The following CNTN4 variants were observed in gnomAD, a reference collection of about 807,000 sequenced individuals.
CNTN4 encodes the protein contactin 4, also known as contactin-4.
Under a neutral mutation model 122.5 loss-of-function variants are expected in CNTN4, and 77 were observed. The observed-to-expected ratio is 0.63, with a 90% confidence interval of 0.52 to 0.76. The LOEUF (loss-of-function observed/expected upper bound fraction) is 0.76. Among genes scored for constraint, CNTN4 ranks in the 30% least tolerant of loss-of-function variants. The probability of loss-of-function intolerance (pLI) is 0.00; values close to 1 mark genes in which losing one functional copy is unlikely to be tolerated. For missense variants in CNTN4, 1,256 were observed against 1,259.1 expected, an observed-to-expected ratio of 1.00 and a Z score of 0.04; for synonymous variants, 512 against 447.0, an observed-to-expected ratio of 1.15 and a Z score of -1.83.
intron 2 of CNTN4, among the ~76,000 whole-genome samples, chr3:2,170,251 C>T (rs946009655): frequency 1.2e-4 from 18 of 151,910 alleles, no homozygotes; most frequent in Non-Finnish European, 2.2e-4. Context: ...ACCCGGGAGG[C>T]GGAGCTTGCA....
intron 14 of CNTN4, among the ~76,000 whole-genome samples, chr3:3,019,806 A>G (rs946963523): frequency 1.5e-5 from 1 of 67,374 alleles, no homozygotes; most frequent in African/African-American, 8.1e-5. Context: ...ATACACATGC[A>G]TATATATATA....
At chr3:2,470,104 C>T (rs1461898221) in intron 3 of CNTN4, among the ~76,000 whole-genome samples, 3 of 150,926 alleles carry the variant, frequency 2.0e-5, no homozygotes, top group African/African-American at 4.9e-5. Context: ...CTCGCTCTCT[C>T]GCCCAGGCTG....
chr3:2,648,676 C>T (rs752249946), intron 4 of CNTN4, among the ~76,000 whole-genome samples: 7 of 152,130 alleles, frequency 4.6e-5, no homozygotes, highest in Admixed American at 2.6e-4. Flanking sequence ...AGGCCAATTA[C>T]TAACCCCACC....
intron 2 of CNTN4, among the ~76,000 whole-genome samples, chr3:2,113,187 T>C (rs989845970): frequency 3.3e-5 from 5 of 152,198 alleles, no homozygotes; most frequent in South Asian, 4.1e-4. Flanking sequence ...GGAAGGGCTG[T>C]TTCCCTTATA....
chr3:2,600,646 TG>T (rs565441618), intron 4 of CNTN4, among the ~76,000 whole-genome samples: 2 of 152,332 alleles, frequency 1.3e-5, no homozygotes, highest in Non-Finnish European at 2.9e-5. Flanking sequence ...TTGTGAATAG[TG>T]CCACAATAAA....
At chr3:2,472,195 T>G (rs1228288291) in intron 3 of CNTN4, among the ~76,000 whole-genome samples, 7 of 151,720 alleles carry the variant, frequency 4.6e-5, no homozygotes, top group African/African-American at 1.7e-4. Flanking sequence ...CTCCACCTGA[T>G]AAATCAAAGA....
At chr3:2,572,099 C>G (rs926946462) in intron 4 of CNTN4, among the ~76,000 whole-genome samples, 2 of 152,084 alleles carry the variant, frequency 1.3e-5, no homozygotes, top group Non-Finnish European at 2.9e-5. Context: ...TTGGAAAGTT[C>G]AAACATGGCT....
At chr3:2,557,125 GA>G (rs992610897) in intron 3 of CNTN4, among the ~76,000 whole-genome samples, 7 of 152,126 alleles carry the variant, frequency 4.6e-5, no homozygotes, top group African/African-American at 9.7e-5. Flanking sequence ...TCTATCCTCA[GA>G]TTTTTTTTGC....
intron 3 of CNTN4, among the ~76,000 whole-genome samples, chr3:2,445,387 A>G (rs980619828): frequency 1.1e-5 from 1 of 87,352 alleles, no homozygotes; most frequent in East Asian, 5.7e-4. Flanking sequence ...GGTGACAGCT[A>G]TTTTTAATTC....
intron 3 of CNTN4, among the ~76,000 whole-genome samples, chr3:2,568,947 C>T (rs1423748295): frequency 6.6e-6 from 1 of 152,124 alleles, no homozygotes; most frequent in Non-Finnish European, 1.5e-5. Flanking sequence ...GTAGATCAAT[C>T]CCGAGGTCCG....
intron 4 of CNTN4, chr3:2,629,715 G>A (rs962485336): frequency 2.2e-5 from 7 of 323,844 alleles, no homozygotes; most frequent in Non-Finnish European, 3.7e-5. Context: ...AATCAAAATC[G>A]GTTGACTGTA....
intron 2 of CNTN4, among the ~76,000 whole-genome samples, chr3:2,114,712 G>C (rs1454177883): frequency 1.3e-5 from 2 of 152,146 alleles, no homozygotes; most frequent in African/African-American, 4.8e-5. Context: ...CATCTCTAGC[G>C]AATGGGACAA....
At chr3:2,843,096 G>A (rs1042007206) in intron 7 of CNTN4, among the ~76,000 whole-genome samples, 3 of 151,998 alleles carry the variant, frequency 2.0e-5, no homozygotes, top group African/African-American at 7.2e-5. Context: ...CTTCTCACGT[G>A]GTTGTCCAGT....
chr3:2,621,225 A>G (rs7618418), intron 4 of CNTN4, among the ~76,000 whole-genome samples: 4,491 of 152,266 alleles, frequency 0.029, 220 homozygotes, highest in African/African-American at 0.1. Flanking sequence ...TATAACATGC[A>G]GCAAGGGAAC....
chr3:2,634,780 C>T (rs553133183), intron 4 of CNTN4, among the ~76,000 whole-genome samples: 256 of 151,752 alleles, frequency 1.7e-3, no homozygotes, highest in African/African-American at 5.9e-3. Context: ...CGCTTGAACC[C>T]GGGAGGCAGA....
intron 3 of CNTN4, among the ~76,000 whole-genome samples, chr3:2,507,734 C>CAAA (rs34779120): frequency 1.8e-5 from 2 of 108,778 alleles, no homozygotes; most frequent in Non-Finnish European, 1.9e-5. Context: ...GACTTTGTCT[C>CAAA]AAAAAAAAAA....
intron 2 of CNTN4, among the ~76,000 whole-genome samples, chr3:2,274,034 C>T (rs1038240802): frequency 1.3e-5 from 2 of 152,094 alleles, no homozygotes; most frequent in Non-Finnish European, 2.9e-5. Context: ...ATACACTTTT[C>T]CATTCTTTCT....
intron 19 of CNTN4, chr3:3,039,638 A>G (rs757646291): frequency 3.6e-4 from 89 of 250,614 alleles, no homozygotes; most frequent in Admixed American, 1.5e-3. Flanking sequence ...ATCTTCAGCC[A>G]AGATGGTTTT....
Position 2,723,469 on chromosome 3 carries a change from T to G in CNTN4, c.56-12746T>G, listed in dbSNP as rs867878519. On this transcript the variant is annotated intron_variant, in intron 4 of 24. Transcript: ENST00000418658. ...AGTCTAAAATCAAAGTACCGGCAGG[T>G]TTGGTGTCTGGTGAGGGCTGCTCTG... Among the ~76,000 whole-genome samples, 1,385 of 152,068 alleles carry G rather than the reference T, an allele frequency of 9.1e-3. 10 individuals carry two copies. Among genetic ancestry groups the G allele is most frequent in the African/African-American group, 0.032 (1,311 of 41,504 alleles).
Sources: gnomAD v4.1 joint callset for allele counts (sites outside exome capture counted in the v4.1 genomes callset) on GRCh38, gnomAD v4.1.1 for gene constraint, MANE v1.5 for transcripts, NCBI Gene and HGNC (gene_info 2026-07-23, HGNC 2026-07-21) for gene names.